Variants in CELF2 observed in about 807,000 individuals in gnomAD.
CELF2 encodes CUGBP Elav-like family member 2.
A neutral mutation model predicts 62.6 loss-of-function variants in CELF2; 8 were observed. That is an observed-to-expected ratio of 0.13 (90% CI 0.07 to 0.23). The LOEUF (loss-of-function observed/expected upper bound fraction) is 0.23, where lower values mean the gene tolerates loss of function less well. Ranked by LOEUF, CELF2 falls within the 10% of genes least tolerant of loss-of-function variation. CELF2 has a pLI of 1.00. For missense variants in CELF2, 333 were observed against 671.0 expected (o/e 0.50, Z 5.56); for synonymous variants, 258 against 250.0 (o/e 1.03, Z -0.30).
the CELF2 span, among the ~76,000 whole-genome samples, chr10:10,479,456 C>T: frequency 6.6e-6 from 1 of 152,296 alleles, no homozygotes; most frequent in African/African-American, 2.4e-5. Context: ...CATGAGCCAC[C>T]GCACCTGGCC....
the CELF2 span, among the ~76,000 whole-genome samples, chr10:10,507,327 A>G: frequency 1.3e-5 from 2 of 152,218 alleles, no homozygotes; most frequent in African/African-American, 4.8e-5. Flanking sequence ...GAGAAACAAA[A>G]TGTCCCCCAG....
At chr10:10,772,571 T>C in the CELF2 span, among the ~76,000 whole-genome samples, 13 of 152,206 alleles carry the variant, frequency 8.5e-5, no homozygotes, top group Admixed American at 6.5e-4. Context: ...GTCAATGAGC[T>C]TGGGATGTGC....
At chr10:10,848,908 T>A (rs954750684) in intron 1 of CELF2, among the ~76,000 whole-genome samples, 4 of 152,110 alleles carry the variant, frequency 2.6e-5, no homozygotes, top group African/African-American at 9.7e-5. Context: ...CTAAAGCCCG[T>A]GACTATTGGC....
intron 2 of CELF2, among the ~76,000 whole-genome samples, chr10:10,980,206 T>A (rs2051904586): frequency 6.6e-6 from 1 of 152,212 alleles, no homozygotes; most frequent in Non-Finnish European, 1.5e-5. Flanking sequence ...CAGCCTTGGC[T>A]TCGTTTTCTT....
the CELF2 span, among the ~76,000 whole-genome samples, chr10:10,757,013 G>A: frequency 1.3e-5 from 2 of 152,094 alleles, no homozygotes; most frequent in Non-Finnish European, 2.9e-5. Context: ...GTGGTGGCAC[G>A]TGCCTGTAGT....
At chr10:10,854,564 C>T (rs1424495272) in intron 1 of CELF2, among the ~76,000 whole-genome samples, 1 of 152,102 alleles carries the variant, frequency 6.6e-6, no homozygotes, top group Non-Finnish European at 1.5e-5. Flanking sequence ...GCTTTATTGG[C>T]ATTTCCCAAA....
rs115953292 is a variant in CELF2 at position 11,090,268 on chromosome 10, A to G, written c.74+72105A>G. Among the ~76,000 whole-genome samples, 179 of 152,150 alleles carry G rather than the reference A, an allele frequency of 1.2e-3. 1 individual carries two copies. Among genetic ancestry groups the G allele is most frequent in the African/African-American group, 4.0e-3 (166 of 41,516 alleles). ...AAGGCGGTAGAAGAAGTAATCGTGG[A>G]AGACTTAGGAAAAGAGAGGATTTTT... On this transcript the variant is annotated intron_variant, in intron 1 of 12. Coordinates refer to ENST00000633077, the MANE Select transcript of CELF2 (RefSeq NM_001326342.2).
chr10:10,754,074 T>G, the CELF2 span, among the ~76,000 whole-genome samples: 13 of 150,266 alleles, frequency 8.7e-5, no homozygotes, highest in African/African-American at 3.2e-4. Flanking sequence ...TTTTTTTTTT[T>G]TTTTTTTTTT....
chr10:10,934,152 T>A lies in CELF2; in HGVS notation c.89+14153T>A, dbSNP rs1264625097. Among the ~76,000 whole-genome samples, 2 of 152,230 alleles carry A rather than the reference T, an allele frequency of 1.3e-5. No individual in the cohort carries two copies. Among genetic ancestry groups the A allele is most frequent in the Non-Finnish European group, 1.5e-5 (1 of 68,040 alleles). On this transcript the variant is annotated intron_variant, in intron 2 of 13. Coordinates refer to the CELF2 transcript ENST00000636488. The surrounding 1 kb of genome is among the most constrained non-coding windows in gnomAD (Gnocchi z 4.4). ...AGCCATTTTAATTGGGGTGAGGTGA[T>A]ACCTTATTGTGATTTGCTTTGTTTT...
chr10:11,141,269 A>G (rs1031966222), intron 1 of CELF2, among the ~76,000 whole-genome samples: 2 of 152,164 alleles, frequency 1.3e-5, no homozygotes, highest in Non-Finnish European at 2.9e-5. Flanking sequence ...TTGTGAAGTT[A>G]AATAGGATTT....
the CELF2 span, among the ~76,000 whole-genome samples, chr10:10,783,781 T>C: frequency 6.6e-6 from 1 of 152,088 alleles, no homozygotes; most frequent in Non-Finnish European, 1.5e-5. Context: ...CATCAAGAGA[T>C]TGAGACCATC....
intron 1 of CELF2, among the ~76,000 whole-genome samples, chr10:11,071,378 A>G (rs1283638705): frequency 6.6e-6 from 1 of 152,242 alleles, no homozygotes; most frequent in East Asian, 1.9e-4. Context: ...TTTACAGATG[A>G]TAAAAGTAAG....
chr10:11,011,528 G>A lies in CELF2; in HGVS notation c.53+6088G>A. Among the ~76,000 whole-genome samples the A allele has an allele frequency of 6.6e-6, 1 of 150,732 alleles. No homozygotes were observed. The highest frequency in any genetic ancestry group is 1.5e-5 in the Non-Finnish European group (1 of 67,786). ...TCTCCTTTCTTCCTCAGACCCTAATGTCATTTACATCTCTCCTCTTCTCTT... is the reference window on the plus strand; with the variant it reads ...TCTCCTTTCTTCCTCAGACCCTAATATCATTTACATCTCTCCTCTTCTCTT... On this transcript the variant is annotated intron_variant, in intron 1 of 12. Transcript: ENST00000416382. This position sits in a 1 kb window ranked among gnomAD's most constrained non-coding sequence, Gnocchi z 4.6.
Position 11,049,558 on chromosome 10 carries a change from TA to T in CELF2, c.74+31419del, listed in dbSNP as rs368708381. 6.6e-3 allele frequency among the ~76,000 whole-genome samples: 643 copies of T among 96,884 alleles called. 14 individuals are homozygous for T. Among genetic ancestry groups the T allele is most frequent in the African/African-American group, 0.021 (601 of 28,924 alleles). The allele number at this position is 96,884 out of a possible 152,430, so 63.6% of individuals were successfully genotyped here. A position where few individuals can be genotyped will look rare whatever the true frequency, so the allele number is the denominator to read the frequency against. ...TATTTGTTCCTATCCCTTTCTTTAG[TA>T]AAAAAAAAAAAAAAAAAAAAAAATA... is the stretch of plus-strand genomic sequence containing the variant. On this transcript the variant is annotated intron_variant, in intron 1 of 12. Transcript: ENST00000633077.
At chr10:10,779,780 G>A in the CELF2 span, among the ~76,000 whole-genome samples, 2 of 151,942 alleles carry the variant, frequency 1.3e-5, no homozygotes, top group Non-Finnish European at 2.9e-5. Flanking sequence ...AGTCAGTATT[G>A]AGAATCACAG....
intron 2 of CELF2, among the ~76,000 whole-genome samples, chr10:10,944,892 T>C (rs1449620210): frequency 6.6e-6 from 1 of 152,130 alleles, no homozygotes; most frequent in African/African-American, 2.4e-5. Flanking sequence ...CATGAGTCCC[T>C]GCATCCAGCC....
At position 10,997,943 on chromosome 10, in the gene CELF2, G is replaced by A. The variant is rs2054136359; in HGVS notation, c.89+77944G>A. Reference sequence around the variant, plus strand: ...GTGTCATGGGAGGGACCCGGTGGGAGGTAATTGAATCATGGAGGCTGGATT... The same window carrying A: ...GTGTCATGGGAGGGACCCGGTGGGAAGTAATTGAATCATGGAGGCTGGATT... On this transcript the variant is annotated intron_variant, in intron 2 of 13. Coordinates refer to the CELF2 transcript ENST00000636488. The surrounding 1 kb of genome is among the most constrained non-coding windows in gnomAD (Gnocchi z 5.3). Among the ~76,000 whole-genome samples the A allele has an allele frequency of 6.6e-6, 1 of 152,148 alleles. No homozygotes were observed. The highest frequency in any genetic ancestry group is 1.5e-5 in the Non-Finnish European group (1 of 68,014).
chr10:11,053,331 CTCAG>C (rs1273752254), intron 1 of CELF2, among the ~76,000 whole-genome samples: 1 of 152,196 alleles, frequency 6.6e-6, no homozygotes, highest in African/African-American at 2.4e-5. Context: ...TCTGATCTCT[CTCAG>C]TATTTTCTAG....
the CELF2 span, among the ~76,000 whole-genome samples, chr10:10,559,218 T>C: frequency 1.3e-5 from 2 of 152,204 alleles, no homozygotes; most frequent in African/African-American, 4.8e-5. Flanking sequence ...TTCATCAGTA[T>C]TAAGCATGTC....
Sources: gnomAD v4.1 joint callset for allele counts (sites outside exome capture counted in the v4.1 genomes callset) on GRCh38, gnomAD v4.1.1 for gene constraint, Gnocchi (gnomAD v3.1) non-coding constraint, MANE v1.5 for transcripts, NCBI Gene and HGNC (gene_info 2026-07-23, HGNC 2026-07-21) for gene names.